The following NHS variants were observed in gnomAD, a reference collection of about 807,000 sequenced individuals.
NHS encodes the protein actin remodeling regulator NHS.
In NHS, 5 loss-of-function variants were observed where a neutral mutation model predicts 72.5. The ratio of observed to expected loss-of-function variants is 0.07; its 90% CI spans 0.04 to 0.14. The LOEUF is 0.14. Ranked by LOEUF, NHS falls within the 10% of genes least tolerant of loss-of-function variation. The pLI, the probability that NHS is intolerant of heterozygous loss-of-function variation, is 1.00. For synonymous variants in NHS, 464 were observed against 547.7 expected, an observed-to-expected ratio of 0.85 and a Z score of 2.13; for missense variants, 1,072 against 1,355.7, an observed-to-expected ratio of 0.79 and a Z score of 3.29.
intron 1 of NHS, among the ~76,000 whole-genome samples, chrX:17,559,003 C>T (rs958460363): frequency 8.9e-6 from 1 of 112,620 alleles, no homozygotes; most frequent in Admixed American, 9.4e-5. Context: ...CTTCAAAACT[C>T]TAATGCCTTT....
intron 1 of NHS, among the ~76,000 whole-genome samples, chrX:17,676,764 G>C (rs1015828167): frequency 3.6e-5 from 4 of 112,275 alleles, no homozygotes; most frequent in Non-Finnish European, 7.5e-5. Context: ...TCATGACTTG[G>C]TGATGGGCTG....
At position 17,628,314 on chromosome X, in the gene NHS, T is replaced by A. The variant is rs188358642; in HGVS notation, c.566-59428T>A. Among the ~76,000 whole-genome samples, 98 of 112,245 alleles carry A rather than the reference T, an allele frequency of 8.7e-4. No homozygotes were observed. In the South Asian group the frequency reaches 0.03, roughly 35 times the overall value. ...AAGGGTGTGTTAGTGCTTTTTTTTT[T>A]AATCCCAGTTTGTGGAAGCAGCAGT... is the stretch of plus-strand genomic sequence containing the variant. On this transcript the variant is annotated intron_variant, in intron 1 of 8. Coordinates refer to ENST00000676302, the MANE Select transcript of NHS (RefSeq NM_001291867.2).
At chrX:17,465,426 C>G (rs972843619) in intron 1 of NHS, among the ~76,000 whole-genome samples, 2 of 111,479 alleles carry the variant, frequency 1.8e-5, no homozygotes, top group Non-Finnish European at 3.8e-5. Flanking sequence ...AAGGAAAGGA[C>G]TCTTTATGCC....
At chrX:17,674,210 C>T (rs1400005550) in intron 1 of NHS, among the ~76,000 whole-genome samples, 1 of 111,644 alleles carries the variant, frequency 9.0e-6, no homozygotes, top group Non-Finnish European at 1.9e-5. Flanking sequence ...GGGCCCAAGG[C>T]ACTTATTCTC....
At chrX:17,422,564 A>G (rs182994653) in intron 1 of NHS, among the ~76,000 whole-genome samples, 1 of 111,308 alleles carries the variant, frequency 9.0e-6, no homozygotes, top group Admixed American at 9.5e-5. Context: ...GCACTGTAGG[A>G]TGTTTAGCCA....
chrX:17,657,888 G>A (rs1569302507), intron 1 of NHS, among the ~76,000 whole-genome samples: 1 of 112,932 alleles, frequency 8.9e-6, no homozygotes, highest in East Asian at 2.8e-4. Flanking sequence ...CTCAAACCAT[G>A]CCAACTTCCT....
chrX:17,656,860 G>A (rs1003777773), intron 1 of NHS, among the ~76,000 whole-genome samples: 5 of 111,801 alleles, frequency 4.5e-5, no homozygotes, highest in African/African-American at 6.5e-5. Flanking sequence ...CCTTTTGAGG[G>A]CTTCTAAGGG....
At chrX:17,656,245 C>T (rs1278598026) in intron 1 of NHS, among the ~76,000 whole-genome samples, 3 of 113,146 alleles carry the variant, frequency 2.7e-5, no homozygotes, top group Non-Finnish European at 5.6e-5. Flanking sequence ...GAACGATGCA[C>T]GGGCGGGCTG....
intron 1 of NHS, among the ~76,000 whole-genome samples, chrX:17,409,532 C>G (rs919762113): frequency 1.2e-4 from 13 of 111,175 alleles, no homozygotes; most frequent in African/African-American, 3.9e-4. Flanking sequence ...AAACATCTCC[C>G]AAATCTCAAT....
At chrX:17,599,594 A>G (rs1006621492) in intron 1 of NHS, among the ~76,000 whole-genome samples, 14 of 110,597 alleles carry the variant, frequency 1.3e-4, no homozygotes, top group Non-Finnish European at 2.5e-4. Context: ...ACCAGTACTA[A>G]TATATTATAT....
chrX:17,602,834 AT>A (rs34067989), intron 1 of NHS, among the ~76,000 whole-genome samples: 2,146 of 83,252 alleles, frequency 0.026, 48 homozygotes, highest in African/African-American at 0.06. Context: ...CACAACTACA[AT>A]TTTTTTTTTT....
intron 1 of NHS, among the ~76,000 whole-genome samples, chrX:17,617,783 G>A (rs1428761485): frequency 8.9e-6 from 1 of 112,452 alleles, no homozygotes; most frequent in Non-Finnish European, 1.9e-5. Context: ...ACCCTTAAGG[G>A]TTTTGAAACA....
At chrX:17,409,269 T>C (rs1305195114) in intron 1 of NHS, among the ~76,000 whole-genome samples, 2 of 112,335 alleles carry the variant, frequency 1.8e-5, no homozygotes, top group Non-Finnish European at 3.8e-5. Flanking sequence ...AAAAGCATAG[T>C]ACTGTGTGTG....
intron 1 of NHS, among the ~76,000 whole-genome samples, chrX:17,510,236 A>G (rs2065080817): frequency 8.9e-6 from 1 of 112,627 alleles, no homozygotes; most frequent in Non-Finnish European, 1.9e-5. Flanking sequence ...GAAGTGAAAC[A>G]TCAAGTGAGC....
chrX:17,511,667 A>G (rs1026004717), intron 1 of NHS, among the ~76,000 whole-genome samples: 5 of 111,777 alleles, frequency 4.5e-5, no homozygotes, highest in African/African-American at 3.3e-5. Flanking sequence ...GAAATGTGCA[A>G]TCCCATCTCT....
At chrX:17,395,364 G>T (rs1229433253) in intron 1 of NHS, among the ~76,000 whole-genome samples, 1 of 112,111 alleles carries the variant, frequency 8.9e-6, no homozygotes, top group East Asian at 2.8e-4. Flanking sequence ...TGTATGTCTG[G>T]TTCTAATTAG....
At chrX:17,425,687 G>A (rs1013517176) in intron 1 of NHS, among the ~76,000 whole-genome samples, 3 of 109,234 alleles carry the variant, frequency 2.7e-5, no homozygotes, top group Non-Finnish European at 3.8e-5. Context: ...TGCCTTTGAC[G>A]TTGGTAAAGA....
intron 1 of NHS, among the ~76,000 whole-genome samples, chrX:17,681,625 G>A (rs1468600943): frequency 8.9e-6 from 1 of 111,750 alleles, no homozygotes; most frequent in African/African-American, 3.3e-5. Context: ...AAGGTTCAAC[G>A]ACTTGCACAA....
At chrX:17,715,993 G>C (rs1183492329) in intron 3 of NHS, among the ~76,000 whole-genome samples, 1 of 111,829 alleles carries the variant, frequency 8.9e-6, no homozygotes, top group Admixed American at 9.5e-5. Flanking sequence ...CCAAGCTCCA[G>C]AGTACCTAGT....
Sources: gnomAD v4.1 joint callset for allele counts (sites outside exome capture counted in the v4.1 genomes callset) on GRCh38, gnomAD v4.1.1 for gene constraint, MANE v1.5 for transcripts, NCBI Gene and HGNC (gene_info 2026-07-23, HGNC 2026-07-21) for gene names.